Variants in TSPEAR observed in about 807,000 individuals in gnomAD.
TSPEAR encodes thrombospondin type laminin G domain and EAR repeats.
TSPEAR carries 69 observed loss-of-function variants against 71.6 expected under a neutral mutation model. That is an observed-to-expected ratio of 0.96 (90% CI 0.79 to 1.18). The LOEUF (loss-of-function observed/expected upper bound fraction) is 1.18, where lower values mean the gene tolerates loss of function less well. Among genes scored for constraint, TSPEAR ranks in the 50% most tolerant of loss-of-function variants. The pLI is 0.00. For synonymous variants in TSPEAR, 402 were observed against 387.2 expected (o/e 1.04, Z -0.45); for missense variants, 971 against 894.9 (o/e 1.09, Z -1.09).
At chr21:44,580,648 G>A (rs1978908390) in intron 1 of TSPEAR, 1 of 1,473,892 alleles carries the variant, frequency 6.8e-7, no homozygotes, top group Non-Finnish European at 9.2e-7. Flanking sequence ...AGTGAGTGAA[G>A]GAGGGAGTGA....
At position 44,575,325 on chromosome 21, in the gene TSPEAR, C is replaced by T. The variant is rs1386459951; in HGVS notation, c.83-7320G>A. ...TCAGAGCCGCAGAGCCTTCTTTGGA[C>T]GCCCTCAAGCTGACCAATAAAGGCC... On this transcript the variant is annotated intron_variant, in intron 1 of 11. Coordinates refer to ENST00000323084, the MANE Select transcript of TSPEAR (RefSeq NM_144991.3). The T allele has an allele frequency of 5.0e-5, 19 of 382,992 alleles. 1 individual carries two copies. The highest frequency in any genetic ancestry group is 1.1e-4 in the South Asian group (3 of 26,346). The allele number at this position is 382,992 out of a possible 1,614,324, so 23.7% of individuals were successfully genotyped here. A position where few individuals can be genotyped will look rare whatever the true frequency, so the allele number is the denominator to read the frequency against.
intron 1 of TSPEAR, chr21:44,647,052 C>T: frequency 6.2e-7 from 1 of 1,613,808 alleles, no homozygotes. Context: ...AGACTGTCTA[C>T]TGCAAGCCCA....
At chr21:44,655,046 G>A (rs782135573) in intron 1 of TSPEAR, among the ~76,000 whole-genome samples, 2 of 152,166 alleles carry the variant, frequency 1.3e-5, no homozygotes, top group Non-Finnish European at 2.9e-5. Flanking sequence ...CAAGTAACGA[G>A]AGCCAAACTA....
chr21:44,609,143 C>G (rs781786497), intron 1 of TSPEAR, among the ~76,000 whole-genome samples: 4 of 152,086 alleles, frequency 2.6e-5, no homozygotes, highest in African/African-American at 9.7e-5. Flanking sequence ...GCAAAGCTAA[C>G]CAATGAGGAG....
chr21:44,607,510 T>C (rs1329597758), intron 1 of TSPEAR, among the ~76,000 whole-genome samples: 3 of 152,232 alleles, frequency 2.0e-5, no homozygotes, highest in Admixed American at 6.5e-5. Flanking sequence ...AATGAAGCTC[T>C]AGAAGCACAT....
chr21:44,542,233 G>T (rs2053233319), intron 2 of TSPEAR, among the ~76,000 whole-genome samples: 1 of 152,160 alleles, frequency 6.6e-6, no homozygotes, highest in Non-Finnish European at 1.5e-5. Flanking sequence ...GATTAGTAAA[G>T]GAAGGGAGAT....
chr21:44,610,201 A>G (rs1407183677), intron 1 of TSPEAR, among the ~76,000 whole-genome samples: 5 of 152,272 alleles, frequency 3.3e-5, no homozygotes, highest in Admixed American at 1.3e-4. Flanking sequence ...AGAAATTTGC[A>G]TAAGTAGCAA....
intron 1 of TSPEAR, among the ~76,000 whole-genome samples, chr21:44,572,638 C>T (rs1220255076): frequency 6.6e-6 from 1 of 151,896 alleles, no homozygotes; most frequent in African/African-American, 2.4e-5. Context: ...GTCCTCATCC[C>T]AGGTTCTGCC....
At chr21:44,574,863 T>A in intron 1 of TSPEAR, 5 of 1,612,936 alleles carry the variant, frequency 3.1e-6, no homozygotes, top group Non-Finnish European at 3.4e-6. Context: ...CCGCCCCGTG[T>A]GCAGGCCCGC....
At chr21:44,527,610 C>T in intron 6 of TSPEAR, 92 bp from the exon 7 acceptor site, 2 of 1,276,236 alleles carry the variant, frequency 1.6e-6, no homozygotes, top group Non-Finnish European at 2.2e-6. Flanking sequence ...AGCCCCAAGT[C>T]ACAAGCCACG....
At chr21:44,650,945 G>T (rs1167943640) in intron 1 of TSPEAR, among the ~76,000 whole-genome samples, 1 of 152,200 alleles carries the variant, frequency 6.6e-6, no homozygotes, top group African/African-American at 2.4e-5. Context: ...CAGATGCTCT[G>T]GGGGAGGACA....
chr21:44,647,328 C>A (rs1478568228), intron 1 of TSPEAR: 2 of 1,613,760 alleles, frequency 1.2e-6, no homozygotes, highest in Non-Finnish European at 1.7e-6. Flanking sequence ...GCTACAGCCT[C>A]TGCTCAGGCA....
At chr21:44,662,503 A>AGGGAGGGG (rs1256534907) in intron 1 of TSPEAR, among the ~76,000 whole-genome samples, 3 of 152,256 alleles carry the variant, frequency 2.0e-5, no homozygotes, top group African/African-American at 7.2e-5. Context: ...AAAACTGAGA[A>AGGGAGGGG]GGGAAAGGAA....
intron 9 of TSPEAR, among the ~76,000 whole-genome samples, chr21:44,516,886 G>A (rs1232127287): frequency 2.0e-5 from 3 of 152,140 alleles, no homozygotes; most frequent in Non-Finnish European, 4.4e-5. Flanking sequence ...CCTTCCCAGA[G>A]GAAGAAAACA....
chr21:44,711,391 C>A lies in TSPEAR; in HGVS notation c.82+42G>T, dbSNP rs782159132. 8 of 1,538,416 alleles carry A rather than the reference C, an allele frequency of 5.2e-6. No homozygotes were observed. Among genetic ancestry groups the A allele is most frequent in the Non-Finnish European group, 7.1e-6 (8 of 1,134,430 alleles). On this transcript the variant is annotated intron_variant, in intron 1 of 11. Transcript: ENST00000323084. This position sits in a 1 kb window ranked among gnomAD's most constrained non-coding sequence, Gnocchi z 4.5. ...TGACTCGACACCCCTCCCAGCTCCC[C>A]GGCAAGATACCCCCGCCCGAGTTCC...
At chr21:44,568,340 C>T (rs1401718190) in intron 1 of TSPEAR, among the ~76,000 whole-genome samples, 8 of 152,162 alleles carry the variant, frequency 5.3e-5, no homozygotes, top group Admixed American at 3.9e-4. Flanking sequence ...AAGGAAGGAA[C>T]GCATGGCCCC....
At chr21:44,599,960 G>T (rs1980668110) in intron 1 of TSPEAR, among the ~76,000 whole-genome samples, 1 of 152,168 alleles carries the variant, frequency 6.6e-6, no homozygotes, top group South Asian at 2.1e-4. Context: ...CAGGGATCTG[G>T]GGCCTCCCTA....
chr21:44,613,098 G>T (rs1475026975), intron 1 of TSPEAR: 6 of 675,032 alleles, frequency 8.9e-6, no homozygotes, highest in African/African-American at 3.6e-5. Context: ...TGCCTGCTGG[G>T]TCCCCTGTCC....
chr21:44,518,283 C>G, intron 9 of TSPEAR: 1 of 469,026 alleles, frequency 2.1e-6, no homozygotes, highest in Non-Finnish European at 4.4e-6. Context: ...GTCAAACATC[C>G]GGGGACCCTT....
Sources: allele counts gnomAD v4.1 joint callset (sites outside exome capture counted in the v4.1 genomes callset), GRCh38; gene constraint gnomAD v4.1.1; non-coding constraint Gnocchi (gnomAD v3.1); transcripts MANE v1.5; gene names NCBI Gene and HGNC (gene_info 2026-07-23, HGNC 2026-07-21).